CACNA1E: variants seen among roughly 807,000 people sequenced by gnomAD.
The protein encoded by CACNA1E is calcium voltage-gated channel subunit alpha1 E.
Under a neutral mutation model 259.2 loss-of-function variants are expected in CACNA1E, and 40 were observed. The ratio of observed to expected loss-of-function variants is 0.15; its 90% CI spans 0.12 to 0.20. CACNA1E has a LOEUF of 0.20. CACNA1E is among the 10% of genes least tolerant of loss of function. The pLI, the probability that CACNA1E is intolerant of heterozygous loss-of-function variation, is 1.00. For synonymous variants in CACNA1E, 1,104 were observed against 1,138.5 expected, an observed-to-expected ratio of 0.97 and a Z score of 0.61; for missense variants, 1,874 against 3,040.1, an observed-to-expected ratio of 0.62 and a Z score of 9.02.
intron 6 of CACNA1E, among the ~76,000 whole-genome samples, chr1:181,607,793 A>G (rs1422909285): frequency 6.6e-6 from 1 of 152,194 alleles, no homozygotes; most frequent in Non-Finnish European, 1.5e-5. Flanking sequence ...AGTTTCCTGC[A>G]GGAGGTGGAG....
chr1:181,639,851 G>A (rs1181321598), intron 6 of CACNA1E, among the ~76,000 whole-genome samples: 1 of 152,178 alleles, frequency 6.6e-6, no homozygotes, highest in Non-Finnish European at 1.5e-5. Context: ...GAATAAGAGA[G>A]TACAAATCAT....
chr1:181,738,836 A>G (rs1173030317), intron 24 of CACNA1E, among the ~76,000 whole-genome samples: 1 of 152,174 alleles, frequency 6.6e-6, no homozygotes, highest in Non-Finnish European at 1.5e-5. Flanking sequence ...AGCCTCATCC[A>G]TCCAGGATTT....
Position 181,726,278 on chromosome 1 carries a change from G to A in CACNA1E, c.2240+116G>A, listed in dbSNP as rs1469101607. ...CTACTACATGCTGGGAACTGTTCCT[G>A]AGAATACAGCAGTGAGCCAGACAGA... On this transcript the variant is annotated intron_variant, in intron 18 of 47. Transcript: ENST00000367573. 4 of 711,928 alleles carry A rather than the reference G, an allele frequency of 5.6e-6. No individual in the cohort carries two copies. The Admixed American group carries it at 9.3e-5, about 17-fold the overall frequency. The allele number at this position is 711,928 out of a possible 1,614,324, so 44.1% of individuals were successfully genotyped here.
At chr1:181,341,902 G>A (rs1269626461) in intron 1 of CACNA1E, among the ~76,000 whole-genome samples, 1 of 152,196 alleles carries the variant, frequency 6.6e-6, no homozygotes, top group African/African-American at 2.4e-5. Context: ...GAATGCAGCA[G>A]TGAACAAGAT....
In CACNA1E at chr1:181,540,521, G is replaced by A. The variant is rs1247680798; in HGVS notation, c.512+29011G>A. ...GCTCCCCAAAATATGTCACCTTGGC[G>A]TACTCAATGTTTTAAGCTAAAGGAA... On this transcript the variant is annotated intron_variant, in intron 3 of 47. Coordinates refer to ENST00000367573, the MANE Select transcript of CACNA1E (RefSeq NM_001205293.3). Among the ~76,000 whole-genome samples, 3 of 152,252 alleles carry A rather than the reference G, an allele frequency of 2.0e-5. No homozygotes were observed. In the East Asian group the frequency reaches 5.8e-4, roughly 29 times the overall value.
intron 6 of CACNA1E, among the ~76,000 whole-genome samples, chr1:181,624,436 C>T (rs990820852): frequency 2.6e-5 from 4 of 152,226 alleles, no homozygotes; most frequent in Non-Finnish European, 4.4e-5. Context: ...AGTCAATCCT[C>T]TCAAACCCTG....
intron 7 of CACNA1E, among the ~76,000 whole-genome samples, chr1:181,701,449 G>A (rs998126585): frequency 6.6e-6 from 1 of 152,126 alleles, no homozygotes; most frequent in Non-Finnish European, 1.5e-5. Flanking sequence ...CCTGCACCAC[G>A]GGGCTTTGAA....
At chr1:181,710,518 G>A (rs1472253693) in intron 7 of CACNA1E, among the ~76,000 whole-genome samples, 1 of 152,160 alleles carries the variant, frequency 6.6e-6, no homozygotes, top group Non-Finnish European at 1.5e-5. Context: ...GTTAATGGGT[G>A]TAAAAACCTT....
intron 1 of CACNA1E, among the ~76,000 whole-genome samples, chr1:181,375,728 G>T (rs944958401): frequency 6.6e-6 from 1 of 152,094 alleles, no homozygotes; most frequent in South Asian, 2.1e-4. Flanking sequence ...AAGCAATGGA[G>T]CCCCCCTTCC....
At chr1:181,590,320 C>T (rs1352298246) in intron 6 of CACNA1E, among the ~76,000 whole-genome samples, 1 of 151,214 alleles carries the variant, frequency 6.6e-6, no homozygotes, top group East Asian at 1.9e-4. Context: ...CACTGCCTTC[C>T]ACCTTGAGCC....
At chr1:181,373,022 T>G (rs1654820552) in intron 1 of CACNA1E, among the ~76,000 whole-genome samples, 1 of 152,176 alleles carries the variant, frequency 6.6e-6, no homozygotes, top group African/African-American at 2.4e-5. Context: ...TTTGATGTGC[T>G]GCTGGATTCA....
chr1:181,567,566 A>G (rs1184694254), intron 3 of CACNA1E, among the ~76,000 whole-genome samples: 1 of 152,236 alleles, frequency 6.6e-6, no homozygotes, highest in Non-Finnish European at 1.5e-5. Flanking sequence ...AAAGAGCTTT[A>G]AGACTGTCCA....
chr1:181,346,293 C>A (rs895841584), intron 1 of CACNA1E, among the ~76,000 whole-genome samples: 2 of 152,250 alleles, frequency 1.3e-5, no homozygotes. Flanking sequence ...ATACATTTCT[C>A]TGCTGTAGTT....
intron 7 of CACNA1E, among the ~76,000 whole-genome samples, chr1:181,679,272 C>T (rs1368150185): frequency 6.6e-6 from 1 of 152,190 alleles, no homozygotes; most frequent in African/African-American, 2.4e-5. Flanking sequence ...CTGTGTTTCT[C>T]CATATTACCC....
At chr1:181,530,392 C>T (rs1250655612) in intron 3 of CACNA1E, among the ~76,000 whole-genome samples, 1 of 152,088 alleles carries the variant, frequency 6.6e-6, no homozygotes, top group East Asian at 1.9e-4. Flanking sequence ...ATACATACAG[C>T]ACTAAATTTG....
intron 1 of CACNA1E, among the ~76,000 whole-genome samples, chr1:181,507,760 C>T (rs186210355): frequency 7.4e-4 from 112 of 152,304 alleles, no homozygotes; most frequent in Non-Finnish European, 9.6e-4. Flanking sequence ...CATTAGAATG[C>T]GAGAGGTCTG....
intron 18 of CACNA1E, among the ~76,000 whole-genome samples, chr1:181,728,555 G>T (rs1358578120): frequency 1.3e-5 from 2 of 152,186 alleles, no homozygotes; most frequent in Non-Finnish European, 2.9e-5. Context: ...CTGCACAGAT[G>T]TGTGTGCCCT....
At chr1:181,482,721 TGAGCCGTTAGTGAG>T (rs1663387946), upstream of CACNA1E, among the ~76,000 whole-genome samples, 1 of 152,258 alleles carries the variant, frequency 6.6e-6, no homozygotes, top group Non-Finnish European at 1.5e-5. Context: ...AGAGGGAGAC[TGAGCCGTTAGTGAG>T]GAAGTTCGGT....
At chr1:181,659,312 G>A (rs186300860) in intron 7 of CACNA1E, among the ~76,000 whole-genome samples, 75 of 152,300 alleles carry the variant, frequency 4.9e-4, no homozygotes, top group Admixed American at 8.5e-4. Context: ...AGGCTGTGAG[G>A]CATGTTTGTC....
Sources: allele counts gnomAD v4.1 joint callset (sites outside exome capture counted in the v4.1 genomes callset), GRCh38; gene constraint gnomAD v4.1.1; transcripts MANE v1.5; gene names NCBI Gene and HGNC (gene_info 2026-07-23, HGNC 2026-07-21).